GPC5: variants seen among roughly 807,000 people sequenced by gnomAD.
The protein encoded by GPC5 is glypican-5.
Under a neutral mutation model 53.9 loss-of-function variants are expected in GPC5, and 47 were observed. The observed-to-expected ratio is 0.87, with a 90% confidence interval of 0.69 to 1.11. GPC5 has a LOEUF of 1.11. Ranked by LOEUF, GPC5 falls within the 50% of genes most tolerant of loss-of-function variation. The pLI, the probability that GPC5 is intolerant of heterozygous loss-of-function variation, is 0.00. For missense variants in GPC5, 748 were observed against 713.1 expected, an observed-to-expected ratio of 1.05 and a Z score of -0.56; for synonymous variants, 286 against 263.3, an observed-to-expected ratio of 1.09 and a Z score of -0.84.
intron 7 of GPC5, among the ~76,000 whole-genome samples, chr13:92,498,117 C>A (rs563253140): frequency 6.6e-6 from 1 of 152,118 alleles, no homozygotes; most frequent in East Asian, 1.9e-4. Context: ...GCCAGAAATT[C>A]CACTACTTAG....
intron 7 of GPC5, among the ~76,000 whole-genome samples, chr13:92,517,026 G>C (rs1197681602): frequency 2.0e-5 from 3 of 151,974 alleles, no homozygotes; most frequent in Admixed American, 6.6e-5. Flanking sequence ...ACACCAGGAG[G>C]TTATATCCCG....
At position 92,519,844 on chromosome 13, in the gene GPC5, T is replaced by G. The variant is rs1299954038; in HGVS notation, c.1562-346438T>G. On this transcript the variant is annotated intron_variant, in intron 7 of 7. Coordinates refer to ENST00000377067, the MANE Select transcript of GPC5 (RefSeq NM_004466.6). Reference sequence around the variant, plus strand: ...AAAAAATCAATGAATCCAGGATCTGTTTTTTTGAAAAGATCAACAAAATTG... The same window carrying G: ...AAAAAATCAATGAATCCAGGATCTGGTTTTTTGAAAAGATCAACAAAATTG... 1.5e-4 allele frequency among the ~76,000 whole-genome samples: 23 copies of G among 152,070 alleles called. No homozygotes were observed. The East Asian group carries it at 3.9e-3, about 26-fold the overall frequency.
intron 7 of GPC5, among the ~76,000 whole-genome samples, chr13:92,287,065 G>A (rs1296395449): frequency 2.0e-5 from 3 of 152,050 alleles, no homozygotes; most frequent in African/African-American, 7.2e-5. Flanking sequence ...ATAATTTTTT[G>A]TTGCTTAATC....
intron 7 of GPC5, among the ~76,000 whole-genome samples, chr13:92,461,484 A>T (rs529116100): frequency 6.6e-6 from 1 of 152,316 alleles, no homozygotes; most frequent in East Asian, 1.9e-4. Flanking sequence ...AGAGACATAG[A>T]AATATCCATT....
intron 7 of GPC5, among the ~76,000 whole-genome samples, chr13:92,759,191 C>T (rs1875055092): frequency 1.3e-5 from 2 of 148,636 alleles, no homozygotes; most frequent in African/African-American, 5.1e-5. Context: ...AGGGTAATAC[C>T]TCCATTTTTT....
intron 7 of GPC5, among the ~76,000 whole-genome samples, chr13:92,195,376 A>C (rs73624838): frequency 0.063 from 9,638 of 152,252 alleles, 1,012 homozygotes; most frequent in African/African-American, 0.22. Context: ...CATCTTTATT[A>C]GGTTTATAGT....
At chr13:92,506,682 CT>C (rs776911764) in intron 7 of GPC5, among the ~76,000 whole-genome samples, 5 of 152,078 alleles carry the variant, frequency 3.3e-5, no homozygotes, top group Non-Finnish European at 7.4e-5. Context: ...TATAACATCC[CT>C]GAGGAGAACG....
intron 2 of GPC5, among the ~76,000 whole-genome samples, chr13:91,648,047 C>T (rs2034603792): frequency 6.6e-6 from 1 of 152,164 alleles, no homozygotes; most frequent in Non-Finnish European, 1.5e-5. Flanking sequence ...GTGTTGCTTT[C>T]TTTAAATTGT....
intron 7 of GPC5, among the ~76,000 whole-genome samples, chr13:92,517,966 G>A (rs1594268490): frequency 6.6e-6 from 1 of 152,220 alleles, no homozygotes; most frequent in Non-Finnish European, 1.5e-5. Context: ...AAAAACCAGT[G>A]TAGAGAAGTC....
chr13:92,310,173 A>G (rs1324776785), intron 7 of GPC5, among the ~76,000 whole-genome samples: 1 of 151,908 alleles, frequency 6.6e-6, no homozygotes, highest in Non-Finnish European at 1.5e-5. Flanking sequence ...TTATTCATTC[A>G]TTTGTTGATG....
At chr13:92,178,596 C>T (rs2042124855) in intron 7 of GPC5, among the ~76,000 whole-genome samples, 2 of 151,942 alleles carry the variant, frequency 1.3e-5, no homozygotes, top group South Asian at 2.1e-4. Context: ...TCAACAGTTG[C>T]TAATTCCTTA....
At chr13:91,964,187 T>C (rs972471243) in intron 6 of GPC5, among the ~76,000 whole-genome samples, 2 of 152,122 alleles carry the variant, frequency 1.3e-5, no homozygotes, top group African/African-American at 4.8e-5. Flanking sequence ...ACCTTCACAG[T>C]GAGTGTTACA....
At chr13:92,822,261 C>G (rs994546326) in intron 7 of GPC5, among the ~76,000 whole-genome samples, 4 of 151,928 alleles carry the variant, frequency 2.6e-5, no homozygotes, top group Non-Finnish European at 4.4e-5. Flanking sequence ...AATTTATGGA[C>G]TAGGTAAAAT....
chr13:91,876,799 A>C (rs1270728125), intron 5 of GPC5, among the ~76,000 whole-genome samples: 1 of 152,206 alleles, frequency 6.6e-6, no homozygotes, highest in African/African-American at 2.4e-5. Flanking sequence ...ACCATGGGGA[A>C]TATGTCTCCA....
rs532196727 is a variant in GPC5, at chr13:92,139,680, A to AAAAAAAAAAAAAAAAGTG, written c.1402-5145_1402-5144insAAAAAAAAAAGTGAAAAA. Among the ~76,000 whole-genome samples, 3 of 140,808 alleles carry AAAAAAAAAAAAAAAAGTG rather than the reference A, an allele frequency of 2.1e-5. 1 individual carries two copies. The highest frequency in any genetic ancestry group is 1.5e-4 in the Admixed American group (2 of 13,436). 92.4% of individuals were successfully genotyped at this position (140,808 alleles called of 152,430 possible). On this transcript the variant is annotated intron_variant, in intron 6 of 7. Coordinates refer to ENST00000377067, the MANE Select transcript of GPC5 (RefSeq NM_004466.6). ...AGATTCCGTCTCAAAAAAAAAAAAA[A>AAAAAAAAAAAAAAAAGTG]AAAAAGTGTTATATTTAGAATATAC...
At chr13:91,580,196 G>A (rs745711759) in intron 2 of GPC5, among the ~76,000 whole-genome samples, 2 of 151,898 alleles carry the variant, frequency 1.3e-5, no homozygotes, top group African/African-American at 2.4e-5. Flanking sequence ...GACTACAGGC[G>A]CCTGCCACCA....
At chr13:91,953,605 C>T (rs1023232148) in intron 6 of GPC5, among the ~76,000 whole-genome samples, 8 of 152,124 alleles carry the variant, frequency 5.3e-5, no homozygotes. Flanking sequence ...TTCATTCGGG[C>T]TGCTATAATA....
At chr13:92,762,414 G>A (rs562720037) in intron 7 of GPC5, among the ~76,000 whole-genome samples, 2 of 151,946 alleles carry the variant, frequency 1.3e-5, no homozygotes, top group African/African-American at 4.8e-5. Context: ...TACATAAATG[G>A]TAAAGAAAAA....
chr13:91,567,960 C>T (rs953370478), intron 2 of GPC5, among the ~76,000 whole-genome samples: 1 of 152,090 alleles, frequency 6.6e-6, no homozygotes, highest in African/African-American at 2.4e-5. Context: ...CCATGCTGTT[C>T]TTGTGACAGT....
Sources: allele counts gnomAD v4.1 joint callset (sites outside exome capture counted in the v4.1 genomes callset), GRCh38; gene constraint gnomAD v4.1.1; transcripts MANE v1.5; gene names NCBI Gene and HGNC (gene_info 2026-07-23, HGNC 2026-07-21).